The following PARD3 variants were observed in gnomAD, a reference collection of about 807,000 sequenced individuals.
PARD3 encodes the protein par-3 family cell polarity regulator, also known as partitioning defective 3 homolog.
PARD3 carries 75 observed loss-of-function variants against 155.4 expected under a neutral mutation model. The observed-to-expected ratio is 0.48, with a 90% CI of 0.40 to 0.58. The LOEUF (loss-of-function observed/expected upper bound fraction) is 0.58. Among genes scored for constraint, PARD3 ranks in the 20% least tolerant of loss-of-function variants. The probability of loss-of-function intolerance (pLI) is 0.00; values close to 1 mark genes in which losing one functional copy is unlikely to be tolerated. For synonymous variants in PARD3, 576 were observed against 610.5 expected (o/e 0.94, Z 0.83); for missense variants, 1,642 against 1,721.7 (o/e 0.95, Z 0.82).
intron 2 of PARD3, among the ~76,000 whole-genome samples, chr10:34,584,223 T>A (rs923225445): frequency 1.3e-5 from 2 of 152,182 alleles, no homozygotes; most frequent in Admixed American, 6.5e-5. Flanking sequence ...CTTACCTTCC[T>A]CTTTGTCCAT....
intron 19 of PARD3, among the ~76,000 whole-genome samples, chr10:34,317,616 C>G (rs1022292015): frequency 3.9e-5 from 6 of 152,164 alleles, no homozygotes; most frequent in Admixed American, 1.3e-4. Context: ...CTCTAAGAAT[C>G]AGATTGTACA....
At chr10:34,528,026 T>A (rs1400261074) in intron 2 of PARD3, among the ~76,000 whole-genome samples, 2 of 152,234 alleles carry the variant, frequency 1.3e-5, no homozygotes, top group Non-Finnish European at 2.9e-5. Context: ...AAATTCTTTT[T>A]ATCAACTCTT....
At chr10:34,613,921 C>G (rs1352502157) in intron 2 of PARD3, among the ~76,000 whole-genome samples, 1 of 152,106 alleles carries the variant, frequency 6.6e-6, no homozygotes, top group Non-Finnish European at 1.5e-5. Flanking sequence ...GTCAGCAAAT[C>G]TTTTCCTGAA....
chr10:34,633,808 G>A (rs1231033633), intron 2 of PARD3, among the ~76,000 whole-genome samples: 1 of 152,156 alleles, frequency 6.6e-6, no homozygotes, highest in African/African-American at 2.4e-5. Context: ...GTGTATGAGG[G>A]TTCCTTTTTC....
rs1953221672 is a variant in PARD3, at chr10:34,236,190, A to T, written c.3419+33467T>A. On this transcript the variant is annotated intron_variant, in intron 22 of 24. Transcript: ENST00000374788. ...AATGGGGAGAGAGAGCACTTACTGG[A>T]GAGATGATGACTAAATTTCACAATC... Among the ~76,000 whole-genome samples the T allele has an allele frequency of 2.7e-5, 4 of 150,730 alleles. No individual in the cohort carries two copies. In the South Asian group the frequency reaches 8.4e-4, roughly 32 times the overall value.
rs551586520 is a variant in PARD3 at position 34,444,233 on chromosome 10, T to C, written c.714+6084A>G. ...AGAGAAGGTTGTGAAAATGGCAGGCTCCCAATTAGCTTATGTTTTCCTTAA... is the reference window on the plus strand; with the variant it reads ...AGAGAAGGTTGTGAAAATGGCAGGCCCCCAATTAGCTTATGTTTTCCTTAA... On this transcript the variant is annotated intron_variant, in intron 5 of 24. Transcript: ENST00000374788. Among the ~76,000 whole-genome samples the C allele has an allele frequency of 2.0e-5, 3 of 152,322 alleles. No homozygotes were observed. In the East Asian group the frequency reaches 5.8e-4, roughly 29 times the overall value.
At chr10:34,438,226 A>G (rs1038341866) in intron 5 of PARD3, among the ~76,000 whole-genome samples, 4 of 152,242 alleles carry the variant, frequency 2.6e-5, no homozygotes, top group Non-Finnish European at 5.9e-5. Context: ...CTTATGCACA[A>G]GAAAGGCTGT....
At position 34,205,732 on chromosome 10, in the gene PARD3, A is replaced by G. The variant is rs549929496; in HGVS notation, c.3419+63925T>C. Among the ~76,000 whole-genome samples, 3 of 152,284 alleles carry G rather than the reference A, an allele frequency of 2.0e-5. No homozygotes were observed. The South Asian group carries it at 6.2e-4, about 32-fold the overall frequency. ...AGATGGGCAGGGACTCACCTCCTGC[A>G]CTTCCTCCTGCCTCTTCACTTTCCT... On this transcript the variant is annotated intron_variant, in intron 22 of 24. Transcript: ENST00000374788.
chr10:34,294,075 C>T (rs1956794620), intron 20 of PARD3, among the ~76,000 whole-genome samples: 1 of 95,682 alleles, frequency 1.0e-5, no homozygotes, highest in Non-Finnish European at 2.1e-5. Flanking sequence ...TCACTACACA[C>T]CTTTCTCTAG....
At chr10:34,157,748 AGC>A (rs1949079022) in intron 22 of PARD3, among the ~76,000 whole-genome samples, 1 of 152,230 alleles carries the variant, frequency 6.6e-6, no homozygotes, top group African/African-American at 2.4e-5. Context: ...GCCCAAATGA[AGC>A]ACTTGTTTTT....
At chr10:34,421,017 TA>T (rs896314585) in intron 5 of PARD3, among the ~76,000 whole-genome samples, 3 of 151,546 alleles carry the variant, frequency 2.0e-5, no homozygotes, top group African/African-American at 7.3e-5. Flanking sequence ...TCTCTACAAA[TA>T]AAAAAAATCA....
intron 1 of PARD3, among the ~76,000 whole-genome samples, chr10:34,741,786 A>G (rs2095023534): frequency 9.2e-5 from 14 of 152,228 alleles, no homozygotes; most frequent in Admixed American, 9.2e-4. Context: ...TTATAGTCTA[A>G]CAGAAGTTAA....
intron 2 of PARD3, among the ~76,000 whole-genome samples, chr10:34,599,173 G>A (rs917934588): frequency 6.6e-6 from 1 of 152,152 alleles, no homozygotes; most frequent in Non-Finnish European, 1.5e-5. Flanking sequence ...ACATTCCGAA[G>A]ATGACTCCAT....
In PARD3 at chr10:34,494,784, C is replaced by A. The variant is rs536130185; in HGVS notation, c.403+22195G>T. 2.5e-3 allele frequency among the ~76,000 whole-genome samples: 380 copies of A among 151,922 alleles called. 1 individual carries two copies. Among genetic ancestry groups the A allele is most frequent in the Middle Eastern group, 6.8e-3 (2 of 292 alleles). Reference sequence around the variant, plus strand: ...TTTAATAATTGTTGTTCCCCTAATCCCCATGTTGATCAAAGGTCCCCATTT... The same window carrying A: ...TTTAATAATTGTTGTTCCCCTAATCACCATGTTGATCAAAGGTCCCCATTT... On this transcript the variant is annotated intron_variant, in intron 3 of 24. Coordinates refer to ENST00000374788, the MANE Select transcript of PARD3 (RefSeq NM_001184785.2).
intron 3 of PARD3, among the ~76,000 whole-genome samples, chr10:34,511,940 G>T (rs756788494): frequency 7.2e-5 from 11 of 151,980 alleles, no homozygotes; most frequent in African/African-American, 2.7e-4. Flanking sequence ...TTACCAGCCC[G>T]GGCTGTTAAT....
intron 22 of PARD3, among the ~76,000 whole-genome samples, chr10:34,203,490 T>C (rs1453477891): frequency 6.6e-6 from 1 of 152,206 alleles, no homozygotes; most frequent in Non-Finnish European, 1.5e-5. Flanking sequence ...GATGTGCAAG[T>C]CTATTATATA....
intron 1 of PARD3, among the ~76,000 whole-genome samples, chr10:34,706,425 C>T (rs1252505057): frequency 6.6e-6 from 1 of 152,200 alleles, no homozygotes; most frequent in Admixed American, 6.5e-5. Flanking sequence ...CTCTTCTCAA[C>T]AGCTTCATTT....
intron 12 of PARD3, among the ~76,000 whole-genome samples, chr10:34,368,835 A>C (rs1412974526): frequency 9.4e-6 from 1 of 105,910 alleles, no homozygotes; most frequent in East Asian, 2.6e-4. Context: ...ATCCATGAGC[A>C]ATGTAAAAAA....
At chr10:34,419,157 T>C (rs763668564) in intron 5 of PARD3, among the ~76,000 whole-genome samples, 10 of 152,040 alleles carry the variant, frequency 6.6e-5, no homozygotes, top group Non-Finnish European at 1.0e-4. Flanking sequence ...ATCTTAAAAT[T>C]TGTCATCAAG....
Sources: allele counts gnomAD v4.1 joint callset (sites outside exome capture counted in the v4.1 genomes callset), GRCh38; gene constraint gnomAD v4.1.1; transcripts MANE v1.5; gene names NCBI Gene and HGNC (gene_info 2026-07-23, HGNC 2026-07-21).